C11orf65: variants seen among roughly 807,000 people sequenced by gnomAD.
C11orf65 encodes the protein chromosome 11 open reading frame 65.
A neutral mutation model predicts 35.3 loss-of-function variants in C11orf65; 38 were observed. The ratio of observed to expected loss-of-function variants is 1.08; its 90% CI spans 0.83 to 1.41. The LOEUF is 1.41. Ranked by LOEUF, C11orf65 falls within the 40% of genes most tolerant of loss-of-function variation. The probability of loss-of-function intolerance (pLI) is 0.00; values close to 1 mark genes in which losing one functional copy is unlikely to be tolerated. For missense variants in C11orf65, 370 were observed against 367.1 expected (o/e 1.01, Z -0.06); for synonymous variants, 105 against 114.4 (o/e 0.92, Z 0.53).
intron 2 of C11orf65, among the ~76,000 whole-genome samples, chr11:108,364,414 C>T (rs753210317): frequency 6.6e-6 from 1 of 152,112 alleles, no homozygotes; most frequent in African/African-American, 2.4e-5. Context: ...CTAAAATTTA[C>T]GACCTAAAGC....
At chr11:108,379,171 T>G (rs2091806826), downstream of C11orf65, among the ~76,000 whole-genome samples, 2 of 152,132 alleles carry the variant, frequency 1.3e-5, no homozygotes, top group Non-Finnish European at 1.5e-5. Context: ...TAAAGACACA[T>G]GCACACGTAT....
intron 1 of C11orf65, among the ~76,000 whole-genome samples, chr11:108,463,944 T>TTG (rs1555180375): frequency 6.9e-6 from 1 of 145,330 alleles, no homozygotes; most frequent in Non-Finnish European, 1.5e-5. Flanking sequence ...TTTTTTTTTT[T>TTG]GAGACAGAAT....
chr11:108,353,187 C>T (rs1195956984), intron 2 of C11orf65, among the ~76,000 whole-genome samples: 2 of 151,588 alleles, frequency 1.3e-5, no homozygotes, highest in East Asian at 1.9e-4. Context: ...TCACTCTTGT[C>T]GCCCAGGCTG....
chr11:108,434,938 T>G (rs1406032515), intron 2 of C11orf65, among the ~76,000 whole-genome samples: 1 of 152,198 alleles, frequency 6.6e-6, no homozygotes, highest in South Asian at 2.1e-4. Flanking sequence ...CACCCTGAAG[T>G]AACTGGCCTG....
chr11:108,453,678 C>T (rs539688277), intron 2 of C11orf65, among the ~76,000 whole-genome samples: 2 of 152,296 alleles, frequency 1.3e-5, no homozygotes, highest in African/African-American at 2.4e-5. Flanking sequence ...TGATCACATG[C>T]TTTTTGTCCT....
chr11:108,433,230 TA>T lies in C11orf65; in HGVS notation c.82-1393del, dbSNP rs539688111. Among the ~76,000 whole-genome samples, 46 of 148,408 alleles carry T rather than the reference TA, an allele frequency of 3.1e-4. No individual in the cohort carries two copies. The East Asian group carries it at 4.5e-3, about 15-fold the overall frequency. On this transcript the variant is annotated intron_variant, in intron 2 of 8. Coordinates refer to ENST00000393084, the MANE Select transcript of C11orf65 (RefSeq NM_152587.5). ...CCAGCACTTTGGAGGGGCGAGGCAT[TA>T]AAAAAAAATTTATATATATATATCT...
downstream of C11orf65, among the ~76,000 whole-genome samples, chr11:108,328,393 T>C (rs566666087): frequency 1.3e-5 from 2 of 152,048 alleles, no homozygotes; most frequent in Admixed American, 6.5e-5. Context: ...ACTACAGGAG[T>C]GTGCCACCAC....
chr11:108,412,222 T>C (rs117459716), intron 3 of C11orf65, among the ~76,000 whole-genome samples: 7,210 of 152,216 alleles, frequency 0.047, 226 homozygotes, highest in Non-Finnish European at 0.071. Flanking sequence ...TTGGGTTCTT[T>C]AGTCTATTTA....
At chr11:108,437,754 A>G (rs570857871) in intron 2 of C11orf65, among the ~76,000 whole-genome samples, 136 of 149,348 alleles carry the variant, frequency 9.1e-4, no homozygotes, top group African/African-American at 3.1e-3. Context: ...AGGAAATTAA[A>G]CGGAAAAACA....
intron 2 of C11orf65, among the ~76,000 whole-genome samples, chr11:108,446,816 C>T (rs1245099184): frequency 1.3e-5 from 2 of 152,042 alleles, no homozygotes; most frequent in African/African-American, 4.8e-5. Context: ...CTAAATGCTC[C>T]AATTAAAAGA....
chr11:108,375,019 C>T lies in C11orf65; in HGVS notation c.226+18189G>A, dbSNP rs547720518. On this transcript the variant is annotated intron_variant, in intron 2 of 3. Coordinates refer to the C11orf65 transcript ENST00000524755. ...ACCAAATCTACATCTGATTGGTGTA[C>T]CTGAAAGTGATGGGGAGAATGGAAC... Among the ~76,000 whole-genome samples, 64 of 152,226 alleles carry T rather than the reference C, an allele frequency of 4.2e-4. 1 individual carries two copies. In the South Asian group the frequency reaches 7.7e-3, roughly 18 times the overall value.
intron 3 of C11orf65, among the ~76,000 whole-genome samples, chr11:108,413,499 C>T (rs1405894439): frequency 6.6e-6 from 1 of 152,134 alleles, no homozygotes; most frequent in Non-Finnish European, 1.5e-5. Context: ...CTTATTTTCC[C>T]ATTTGAATGC....
At chr11:108,371,769 A>C (rs2091582775) in intron 2 of C11orf65, among the ~76,000 whole-genome samples, 1 of 152,178 alleles carries the variant, frequency 6.6e-6, no homozygotes, top group Non-Finnish European at 1.5e-5. Context: ...GTTGGATCAT[A>C]TAGTCATTCT....
intron 3 of C11orf65, among the ~76,000 whole-genome samples, chr11:108,408,631 G>A (rs2092590971): frequency 1.5e-5 from 2 of 136,054 alleles, no homozygotes; most frequent in Admixed American, 1.5e-4. Context: ...AGCAGAGATT[G>A]CACCACTGCA....
At chr11:108,437,509 T>C (rs955228295) in intron 2 of C11orf65, among the ~76,000 whole-genome samples, 1 of 151,488 alleles carries the variant, frequency 6.6e-6, no homozygotes, top group African/African-American at 2.4e-5. Context: ...ATCGAAACCA[T>C]CCTGGCCAAC....
At chr11:108,328,798 T>A (rs2085951808), downstream of C11orf65, among the ~76,000 whole-genome samples, 2 of 152,194 alleles carry the variant, frequency 1.3e-5, no homozygotes, top group African/African-American at 4.8e-5. Flanking sequence ...CTCATAATGT[T>A]TTAAGAAAAT....
At chr11:108,325,248 AG>A (rs1433185782) in intron 6 of C11orf65, 23 of 907,832 alleles carry the variant, frequency 2.5e-5, no homozygotes, top group Admixed American at 8.5e-5. Flanking sequence ...GAACTTACAT[AG>A]TTTTTTTTTT....
intron 2 of C11orf65, among the ~76,000 whole-genome samples, chr11:108,359,496 T>C (rs562642914): frequency 0.014 from 2,088 of 152,000 alleles, 56 homozygotes; most frequent in African/African-American, 0.047. Context: ...AATATACATT[T>C]TTTTCAGCAC....
At chr11:108,321,515 G>T (rs1565511888) in intron 6 of C11orf65, 1 of 1,557,334 alleles carries the variant, frequency 6.4e-7, no homozygotes, top group East Asian at 2.3e-5. Context: ...GGGCACGGTG[G>T]CTCATGCCTG....
Sources: gnomAD v4.1 joint callset for allele counts (sites outside exome capture counted in the v4.1 genomes callset) on GRCh38, gnomAD v4.1.1 for gene constraint, MANE v1.5 for transcripts, NCBI Gene and HGNC (gene_info 2026-07-23, HGNC 2026-07-21) for gene names.